Variants in ASF1B observed in about 807,000 individuals in gnomAD.
ASF1B encodes anti-silencing function 1B histone chaperone.
ASF1B carries 10 observed loss-of-function variants against 16.6 expected under a neutral mutation model. The observed-to-expected ratio is 0.60, with a 90% confidence interval of 0.37 to 1.02. ASF1B has a LOEUF of 1.02. Ranked by LOEUF, ASF1B falls within the 50% of genes least tolerant of loss-of-function variation. The pLI, the probability that ASF1B is intolerant of heterozygous loss-of-function variation, is 0.01. For synonymous variants in ASF1B, 101 were observed against 106.2 expected, an observed-to-expected ratio of 0.95 and a Z score of 0.30; for missense variants, 240 against 266.0, an observed-to-expected ratio of 0.90 and a Z score of 0.68.
intron 2 of ASF1B, among the ~76,000 whole-genome samples, chr19:14,124,667 C>A (rs1967291088): frequency 6.6e-6 from 1 of 152,168 alleles, no homozygotes; most frequent in Non-Finnish European, 1.5e-5. Context: ...CCTAGAGTTA[C>A]CTACCACGCC....
At chr19:14,125,854 CTA>C (rs1256273370) in intron 2 of ASF1B, among the ~76,000 whole-genome samples, 2 of 151,954 alleles carry the variant, frequency 1.3e-5, no homozygotes. Context: ...TGCCCGGCCT[CTA>C]TGTTTTTAAT....
chr19:14,127,694 T>C (rs1967339631), intron 1 of ASF1B, among the ~76,000 whole-genome samples: 1 of 151,966 alleles, frequency 6.6e-6, no homozygotes, highest in Non-Finnish European at 1.5e-5. Context: ...TAGAGTGCAA[T>C]GGTGAGATCT....
Position 14,120,543 on chromosome 19 carries a change from T to TG in ASF1B, c.524dup (p.Leu176ThrfsTer21). On this transcript the variant is annotated frameshift_variant, in exon 4 of 4. Coordinates refer to ENST00000263382, the MANE Select transcript of ASF1B (RefSeq NM_018154.3). LOFTEE classifies it high-confidence loss of function. ...AGCCCTTGATAGGAGTGCAGTTGAG[T>TG]GGGAGGCCGCAGCCCAGGGAGGGGT... is the stretch of plus-strand genomic sequence containing the variant. 6.2e-7 allele frequency: 1 copy of TG among 1,613,294 alleles called. No individual in the cohort carries two copies. The highest frequency in any genetic ancestry group is 8.5e-7 in the Non-Finnish European group (1 of 1,179,574).
At chr19:14,133,789 G>A (rs190148839) in intron 1 of ASF1B, among the ~76,000 whole-genome samples, 8 of 147,782 alleles carry the variant, frequency 5.4e-5, no homozygotes, top group Admixed American at 6.8e-5. Context: ...GATAATGACC[G>A]CACAACCATT....
chr19:14,124,384 G>T (rs1967287641), intron 2 of ASF1B, among the ~76,000 whole-genome samples: 1 of 151,670 alleles, frequency 6.6e-6, no homozygotes, highest in African/African-American at 2.4e-5. Flanking sequence ...GGAACTCCTG[G>T]CCTTAAGCAG....
intron 1 of ASF1B, among the ~76,000 whole-genome samples, chr19:14,132,420 A>G (rs1363112777): frequency 6.6e-6 from 1 of 152,174 alleles, no homozygotes; most frequent in Non-Finnish European, 1.5e-5. Context: ...AGGAGGCAGA[A>G]AGCAAGCTGG....
rs554688517 is a variant in ASF1B, at chr19:14,122,641, TGA to T, written c.226-935_226-934del. On this transcript the variant is annotated intron_variant, in intron 2 of 3. Transcript: ENST00000263382. The stretch of plus-strand genomic sequence containing the variant: ...TCCCAAAGGGCTGGGATTACAGGTG[TGA>T]GTCACTGTGCCCAGCCAGGAGTTGT... Among the ~76,000 whole-genome samples the T allele has an allele frequency of 2.6e-5, 4 of 152,270 alleles. 1 individual carries two copies. In the South Asian group the frequency reaches 8.3e-4, roughly 32 times the overall value.
At chr19:14,123,825 C>G (rs112792192) in intron 2 of ASF1B, among the ~76,000 whole-genome samples, 21 of 144,900 alleles carry the variant, frequency 1.4e-4, no homozygotes, top group African/African-American at 5.1e-4. Flanking sequence ...GGGTCTCACT[C>G]TGTTGCCCAG....
intron 3 of ASF1B, chr19:14,121,294 TTTG>T: frequency 3.7e-5 from 16 of 436,058 alleles, no homozygotes; most frequent in South Asian, 2.5e-4. Context: ...TTTTTTTTTT[TTTG>T]CGGGGGTTAG....
intron 1 of ASF1B, among the ~76,000 whole-genome samples, chr19:14,130,058 A>ATTTAT (rs1967378669): frequency 6.6e-6 from 1 of 151,100 alleles, no homozygotes; most frequent in South Asian, 2.1e-4. Flanking sequence ...TGTAATTCTA[A>ATTTAT]TTTATTTTAT....
chr19:14,132,132 A>G (rs572559734), intron 1 of ASF1B, among the ~76,000 whole-genome samples: 23 of 150,870 alleles, frequency 1.5e-4, no homozygotes, highest in Non-Finnish European at 2.5e-4. Flanking sequence ...GGCTCATGCA[A>G]TCCTCCCACT....
intron 1 of ASF1B, among the ~76,000 whole-genome samples, chr19:14,129,605 G>C (rs1175151936): frequency 6.9e-6 from 1 of 145,816 alleles, no homozygotes; most frequent in Non-Finnish European, 1.5e-5. Flanking sequence ...TTGAACCTGG[G>C]AGGCAGCAGA....
Position 14,136,543 on chromosome 19 carries a change from G to C in ASF1B, c.-87C>G, listed in dbSNP as rs904084424. The C allele has an allele frequency of 5.5e-6, 6 of 1,100,390 alleles. No individual in the cohort carries two copies. In the African/African-American group the frequency reaches 6.2e-5, roughly 11 times the overall value. 68.2% of individuals were successfully genotyped at this position (1,100,390 alleles called of 1,614,324 possible). On this transcript the variant is annotated 5_prime_UTR_variant, in exon 1 of 4. Transcript: ENST00000263382. ...GGGTCCGGTGGGGTCAGTGGGGTAG[G>C]GCTGACCAGGTCCACTCCCGCCTCT...
chr19:14,124,849 AG>A (rs1257458672), intron 2 of ASF1B, among the ~76,000 whole-genome samples: 1 of 152,240 alleles, frequency 6.6e-6, no homozygotes, highest in East Asian at 1.9e-4. Context: ...AGTGCAGTGT[AG>A]GATACAAGAA....
intron 1 of ASF1B, among the ~76,000 whole-genome samples, chr19:14,126,682 G>A (rs1041727122): frequency 1.8e-4 from 27 of 152,118 alleles, no homozygotes; most frequent in Admixed American, 1.6e-3. Context: ...ATGTTGATCA[G>A]GCTGGTTTAG....
chr19:14,135,592 G>A (rs1967479279), intron 1 of ASF1B, among the ~76,000 whole-genome samples: 1 of 152,152 alleles, frequency 6.6e-6, no homozygotes, highest in South Asian at 2.1e-4. Context: ...GAGGGGACTG[G>A]TGGGACACAA....
At chr19:14,130,491 AC>A (rs1361980002) in intron 1 of ASF1B, among the ~76,000 whole-genome samples, 1 of 150,330 alleles carries the variant, frequency 6.7e-6, no homozygotes, top group Non-Finnish European at 1.5e-5. Flanking sequence ...CAACATAGTG[AC>A]ACCCTATCTC....
At chr19:14,130,680 CCTT>C (rs536230132) in intron 1 of ASF1B, among the ~76,000 whole-genome samples, 9 of 151,688 alleles carry the variant, frequency 5.9e-5, no homozygotes, top group South Asian at 2.1e-4. Context: ...GTGTACCTAA[CCTT>C]CTGAGCAATG....
chr19:14,132,758 C>T (rs1049194260), intron 1 of ASF1B, among the ~76,000 whole-genome samples: 1 of 152,122 alleles, frequency 6.6e-6, no homozygotes, highest in Non-Finnish European at 1.5e-5. Flanking sequence ...GTGGAGATTG[C>T]AGTGAGCTGA....
Sources: gnomAD v4.1 joint callset for allele counts (sites outside exome capture counted in the v4.1 genomes callset) on GRCh38, gnomAD v4.1.1 for gene constraint, MANE v1.5 for transcripts, NCBI Gene and HGNC (gene_info 2026-07-23, HGNC 2026-07-21) for gene names.